ANK2: variants seen among roughly 807,000 people sequenced by gnomAD.
ANK2 encodes the protein ankyrin-2.
A neutral mutation model predicts 360.5 loss-of-function variants in ANK2; 83 were observed. The ratio of observed to expected loss-of-function variants is 0.23; its 90% CI spans 0.19 to 0.28. The LOEUF is 0.28. ANK2 is among the 10% of genes least tolerant of loss of function. ANK2 has a pLI of 1.00. For synonymous variants in ANK2, 1,740 were observed against 1,759.5 expected (o/e 0.99, Z 0.28); for missense variants, 4,201 against 4,795.7 (o/e 0.88, Z 3.66).
At chr4:113,149,033 C>T (rs1392220968) in intron 1 of ANK2, 2 of 152,252 alleles carry the variant, frequency 1.3e-5, no homozygotes, top group African/African-American at 2.4e-5. Flanking sequence ...AAAAATCTCT[C>T]TCCCTTTCTC....
chr4:113,067,183 G>C (rs2075940432), intron 1 of ANK2, among the ~76,000 whole-genome samples: 1 of 152,094 alleles, frequency 6.6e-6, no homozygotes, highest in Non-Finnish European at 1.5e-5. Flanking sequence ...GGAAAATCTG[G>C]AGACAGATTT....
Position 113,177,981 on chromosome 4 carries a change from T to C in ANK2, c.186+3464T>C, listed in dbSNP as rs148678423. On this transcript the variant is annotated intron_variant, in intron 2 of 45. Coordinates refer to ENST00000357077, the MANE Select transcript of ANK2 (RefSeq NM_001148.6). ...AGGAGTTTCTAAGGTACATGTGTTC[T>C]AATTACAATTACTGTATATAATTCA... Among the ~76,000 whole-genome samples, 860 of 152,384 alleles carry C rather than the reference T, an allele frequency of 5.6e-3. 28 individuals are homozygous for C. The highest frequency in any genetic ancestry group is 0.043 in the Admixed American group (657 of 15,310).
chr4:112,969,504 T>C (rs1309720519), intron 2 of ANK2, among the ~76,000 whole-genome samples: 2 of 151,988 alleles, frequency 1.3e-5, no homozygotes, highest in East Asian at 3.9e-4. Flanking sequence ...AAGTTCAGAC[T>C]CTCCAGGGAA....
intron 3 of ANK2, among the ~76,000 whole-genome samples, chr4:113,197,534 A>G (rs1200013008): frequency 6.6e-6 from 1 of 152,228 alleles, no homozygotes; most frequent in Non-Finnish European, 1.5e-5. Flanking sequence ...GAGAGAAGTC[A>G]GGCACTCTGG....
Position 113,288,456 on chromosome 4 carries a change from G to A in ANK2, c.2247G>A (p.Lys749=), listed in dbSNP as rs2153731993. ...TGAAAATGGTCAACTTTCTTCTGAA[G>A]CAGGGAGCAAATGTTAACGCAAAAA... ...GNVKMVNFLL[K]QGANVNAKTK... The change falls in exon 20 of 46, where the codon AAG becomes AAA. Residue 749 remains lysine (K), a synonymous_variant. Coordinates refer to ENST00000357077, the MANE Select transcript of ANK2 (RefSeq NM_001148.6). The A allele has an allele frequency of 1.2e-5, 19 of 1,613,982 alleles. No individual in the cohort carries two copies. Among genetic ancestry groups the A allele is most frequent in the Non-Finnish European group, 1.6e-5 (19 of 1,179,914 alleles).
At chr4:112,724,532 T>C in the ANK2 span, among the ~76,000 whole-genome samples, 5 of 146,056 alleles carry the variant, frequency 3.4e-5, no homozygotes, top group Non-Finnish European at 7.5e-5. Context: ...AAAATAAAGA[T>C]ACAAATATAT....
At chr4:112,822,412 C>T (rs1269591570) in intron 1 of ANK2, among the ~76,000 whole-genome samples, 10 of 134,380 alleles carry the variant, frequency 7.4e-5, no homozygotes, top group South Asian at 7.3e-4. Context: ...AGCGAGATTC[C>T]GTCTCAAAAA....
At chr4:112,803,164 T>A in the ANK2 span, among the ~76,000 whole-genome samples, 3 of 152,182 alleles carry the variant, frequency 2.0e-5, no homozygotes, top group East Asian at 5.8e-4. Flanking sequence ...TAGTAGTAGT[T>A]ATATAGTAGT....
chr4:113,014,406 C>T lies in ANK2; in HGVS notation c.21+109892C>T, dbSNP rs543755661. ...ACCCTAGGAGGATTCTATTATTATT[C>T]CCATTCTACAGGTTAGGACACTGAG... On this transcript the variant is annotated intron_variant, in intron 2 of 30. Transcript: ENST00000503271. 2.6e-5 allele frequency among the ~76,000 whole-genome samples: 4 copies of T among 152,242 alleles called. No homozygotes were observed. In the East Asian group the frequency reaches 7.7e-4, roughly 29 times the overall value.
At chr4:113,370,707 C>T (rs993140771) in intron 43 of ANK2, among the ~76,000 whole-genome samples, 1 of 152,236 alleles carries the variant, frequency 6.6e-6, no homozygotes, top group African/African-American at 2.4e-5. Flanking sequence ...TTGCAGTGAG[C>T]CAAGATCATA....
intron 1 of ANK2, among the ~76,000 whole-genome samples, chr4:112,822,475 T>G (rs1363490844): frequency 4.6e-5 from 7 of 150,780 alleles, no homozygotes; most frequent in African/African-American, 1.7e-4. Context: ...CTGGGCATAG[T>G]AGCTCATGCC....
At chr4:113,109,549 C>T (rs1018539156) in intron 1 of ANK2, among the ~76,000 whole-genome samples, 4 of 152,084 alleles carry the variant, frequency 2.6e-5, no homozygotes, top group African/African-American at 9.7e-5. Context: ...GGACTGTGCA[C>T]CTTGTGTGGA....
At chr4:112,809,179 C>G in the ANK2 span, among the ~76,000 whole-genome samples, 10 of 150,072 alleles carry the variant, frequency 6.7e-5, no homozygotes, top group African/African-American at 2.0e-4. Flanking sequence ...AATAAATTTT[C>G]TAGGACAATT....
In ANK2 at chr4:113,256,675, C is replaced by G. The variant is rs542926380; in HGVS notation, c.1188+743C>G. On this transcript the variant is annotated intron_variant, in intron 11 of 45. Coordinates refer to ENST00000357077, the MANE Select transcript of ANK2 (RefSeq NM_001148.6). ...CCTAATTCCCAAACTAAAAGTAAAT[C>G]CTTTTTTTCTATGTGTTTACATGGT... 2.0e-5 allele frequency among the ~76,000 whole-genome samples: 3 copies of G among 152,224 alleles called. No individual in the cohort carries two copies. The East Asian group carries it at 5.8e-4, about 29-fold the overall frequency.
chr4:112,819,435 T>C (rs1045757146), intron 1 of ANK2, among the ~76,000 whole-genome samples: 13 of 152,200 alleles, frequency 8.5e-5, no homozygotes, highest in Admixed American at 8.5e-4. Context: ...CAAACACTGA[T>C]TCCAGAAACA....
intron 23 of ANK2, among the ~76,000 whole-genome samples, chr4:113,309,411 C>A (rs946000064): frequency 8.5e-5 from 13 of 152,194 alleles, no homozygotes; most frequent in Non-Finnish European, 1.5e-4. Flanking sequence ...AGGCAGATAG[C>A]ATCATAACAA....
the ANK2 span, among the ~76,000 whole-genome samples, chr4:112,762,166 A>G: frequency 6.6e-6 from 1 of 152,218 alleles, no homozygotes; most frequent in Non-Finnish European, 1.5e-5. Flanking sequence ...CCATATTGAA[A>G]GCTCAGAACT....
rs2095704807 is a variant in ANK2, at chr4:113,355,598, G to A, written c.6980G>A (p.Cys2327Tyr). Reference protein sequence around the residue: ...KDTSPKRQDDCTGSCSVALAK... With the variant: ...KDTSPKRQDDYTGSCSVALAK... ...ACAAGCCCTAAAAGACAAGATGATT[G>A]CACAGGCAGCTGTAGTGTAGCATTA... Residue 2327 changes from cysteine to tyrosine, a missense_variant, in exon 38 of 46, where the codon TGC (cysteine) becomes TAC (tyrosine). Transcript: ENST00000357077. The A allele has an allele frequency of 1.9e-6, 3 of 1,613,990 alleles. No homozygotes were observed. The highest frequency in any genetic ancestry group is 2.2e-5 in the South Asian group (2 of 91,090).
chr4:113,308,408 G>A (rs1446127069), intron 23 of ANK2, among the ~76,000 whole-genome samples: 1 of 152,190 alleles, frequency 6.6e-6, no homozygotes, highest in Non-Finnish European at 1.5e-5. Flanking sequence ...TTGGAATATA[G>A]ATGCAAAATT....
Sources: allele counts gnomAD v4.1 joint callset (sites outside exome capture counted in the v4.1 genomes callset), GRCh38; gene constraint gnomAD v4.1.1; transcripts MANE v1.5; gene names NCBI Gene and HGNC (gene_info 2026-07-23, HGNC 2026-07-21).